MTUS2: variants seen among roughly 807,000 people sequenced by gnomAD.
MTUS2 encodes the protein microtubule associated scaffold protein 2.
In MTUS2, 40 loss-of-function variants were observed where a neutral mutation model predicts 114.1. The ratio of observed to expected loss-of-function variants is 0.35; its 90% CI spans 0.27 to 0.46. MTUS2 has a LOEUF of 0.46. MTUS2 is among the 20% of genes least tolerant of loss of function. The probability of loss-of-function intolerance (pLI) is 1.00; values close to 1 mark genes in which losing one functional copy is unlikely to be tolerated. For synonymous variants in MTUS2, 688 were observed against 672.0 expected (o/e 1.02, Z -0.37); for missense variants, 1,679 against 1,705.4 (o/e 0.98, Z 0.27).
At chr13:29,473,076 T>C (rs890832511) in intron 9 of MTUS2, among the ~76,000 whole-genome samples, 1 of 152,180 alleles carries the variant, frequency 6.6e-6, no homozygotes, top group African/African-American at 2.4e-5. Flanking sequence ...ACTATTATAG[T>C]GACCTAAATA....
At chr13:29,085,877 C>G (rs1475473723) in intron 4 of MTUS2, among the ~76,000 whole-genome samples, 1 of 152,102 alleles carries the variant, frequency 6.6e-6, no homozygotes, top group East Asian at 1.9e-4. Flanking sequence ...CTATAGTAGC[C>G]AAACTAATTT....
chr13:29,325,483 A>AAGG (rs1900451397), intron 7 of MTUS2, among the ~76,000 whole-genome samples: 3 of 107,386 alleles, frequency 2.8e-5, no homozygotes, highest in African/African-American at 9.5e-5. Context: ...AAAGAAGAAG[A>AAGG]GGAAGAGGGA....
intron 2 of MTUS2, among the ~76,000 whole-genome samples, chr13:29,001,037 C>G (rs771243642): frequency 1.3e-5 from 2 of 152,166 alleles, no homozygotes; most frequent in Non-Finnish European, 2.9e-5. Flanking sequence ...AGGGTGCCAG[C>G]CCTTGCCCAT....
chr13:29,037,198 CA>C (rs768104404), intron 4 of MTUS2, among the ~76,000 whole-genome samples: 4 of 152,188 alleles, frequency 2.6e-5, no homozygotes, highest in Non-Finnish European at 5.9e-5. Context: ...TCTTGTAAGG[CA>C]GGCCTGGTGG....
At chr13:29,047,963 T>C (rs326518) in intron 4 of MTUS2, among the ~76,000 whole-genome samples, 147,797 of 152,270 alleles carry the variant, frequency 0.97, 71,749 homozygotes, top group Non-Finnish European at 0.98. Context: ...ATGTTTTTAA[T>C]GTTCATCCAT....
intron 2 of MTUS2, among the ~76,000 whole-genome samples, chr13:28,890,195 A>C (rs1222056989): frequency 6.6e-6 from 1 of 152,214 alleles, no homozygotes; most frequent in African/African-American, 2.4e-5. Context: ...ATGGCTCGGA[A>C]GGGACCTTAC....
At chr13:29,169,319 T>A (rs1893455734) in intron 5 of MTUS2, among the ~76,000 whole-genome samples, 1 of 152,206 alleles carries the variant, frequency 6.6e-6, no homozygotes, top group South Asian at 2.1e-4. Context: ...ATTGGTAGTA[T>A]GATTTATGCG....
At chr13:29,400,168 A>T (rs529140645) in intron 8 of MTUS2, among the ~76,000 whole-genome samples, 216 of 152,326 alleles carry the variant, frequency 1.4e-3, no homozygotes, top group African/African-American at 5.0e-3. Context: ...AGATTTAAAG[A>T]TTTACCCACC....
rs559800488 is a variant in MTUS2, at chr13:29,025,070, G to A, written c.372G>A (p.Thr124=). 154 of 1,613,968 alleles carry A rather than the reference G, an allele frequency of 9.5e-5. 2 individuals carry two copies. In the South Asian group the frequency reaches 1.5e-3, roughly 15 times the overall value. ...VERGTDSLQT[T]RSIQGPSLSS... The stretch of plus-strand genomic sequence containing the variant: ...GAGGCACAGATAGCCTGCAGACCAC[G>A]CGGAGTATTCAGGGACCAAGTCTGT... The change falls in exon 3 of 16, where the codon ACG becomes ACA. Residue 124 remains threonine, a synonymous_variant. Coordinates refer to ENST00000612955, the MANE Select transcript of MTUS2 (RefSeq NM_001033602.4).
chr13:28,942,166 TATC>T lies in MTUS2; in HGVS notation c.-242-82289_-242-82287del, dbSNP rs1882273454. ...GCAGTAACAAACAATTCAATAGAAA[TATC>T]AGCAAAAGAGTTGACATGCACTTCA... On this transcript the variant is annotated intron_variant, in intron 2 of 15. Coordinates refer to ENST00000612955, the MANE Select transcript of MTUS2 (RefSeq NM_001033602.4). 2.0e-5 allele frequency among the ~76,000 whole-genome samples: 3 copies of T among 152,064 alleles called. No individual in the cohort carries two copies. In the South Asian group the frequency reaches 6.2e-4, roughly 31 times the overall value.
At chr13:28,861,515 G>T (rs1026647661) in intron 2 of MTUS2, among the ~76,000 whole-genome samples, 1 of 149,080 alleles carries the variant, frequency 6.7e-6, no homozygotes, top group African/African-American at 2.5e-5. Flanking sequence ...AGATGATTTT[G>T]CATGTATGTG....
At position 29,405,595 on chromosome 13, in the gene MTUS2, G is replaced by A. The variant is rs1488667763; in HGVS notation, c.3118-34388G>A. 3.9e-5 allele frequency among the ~76,000 whole-genome samples: 6 copies of A among 152,100 alleles called. No homozygotes were observed. In the South Asian group the frequency reaches 8.3e-4, roughly 21 times the overall value. The stretch of plus-strand genomic sequence containing the variant: ...TGTTTGGTAGTGAGAGAGCAGAGTC[G>A]CCCACTGCACGTTTGCCATGGCAGT... On this transcript the variant is annotated intron_variant, in intron 8 of 15. Coordinates refer to ENST00000612955, the MANE Select transcript of MTUS2 (RefSeq NM_001033602.4).
chr13:29,358,956 GA>G (rs34048029), intron 7 of MTUS2, among the ~76,000 whole-genome samples: 55 of 139,590 alleles, frequency 3.9e-4, no homozygotes, highest in African/African-American at 1.4e-3. Context: ...TCTCCTTTAA[GA>G]AAAAAAAAAA....
intron 2 of MTUS2, among the ~76,000 whole-genome samples, chr13:28,990,108 T>C (rs755209477): frequency 1.3e-5 from 2 of 152,180 alleles, no homozygotes; most frequent in Non-Finnish European, 2.9e-5. Context: ...GAGTCACTCA[T>C]TCAACATGTA....
intron 11 of MTUS2, among the ~76,000 whole-genome samples, chr13:29,492,169 G>A (rs1273066738): frequency 9.7e-6 from 1 of 103,230 alleles, no homozygotes; most frequent in African/African-American, 4.4e-5. Context: ...TGGTGTGTAT[G>A]TGATGTGTGT....
chr13:29,279,788 G>C (rs1382669483), intron 5 of MTUS2, among the ~76,000 whole-genome samples: 1 of 152,202 alleles, frequency 6.6e-6, no homozygotes. Context: ...TCTCTAAATT[G>C]ACGTGTTCAC....
chr13:29,388,247 AAGTTGCTAATATCACC>A, intron 8 of MTUS2, among the ~76,000 whole-genome samples: 1 of 152,196 alleles, frequency 6.6e-6, no homozygotes, highest in Non-Finnish European at 1.5e-5. Flanking sequence ...AGGTACCATG[AAGTTGCTAATATCACC>A]AGTGGGAAAA....
At chr13:28,935,252 T>A (rs1480014350) in intron 2 of MTUS2, among the ~76,000 whole-genome samples, 1 of 152,152 alleles carries the variant, frequency 6.6e-6, no homozygotes, top group Non-Finnish European at 1.5e-5. Flanking sequence ...CTGCATGATG[T>A]TGTTATGAAC....
At chr13:28,880,183 C>A (rs1336480667) in intron 2 of MTUS2, among the ~76,000 whole-genome samples, 1 of 152,168 alleles carries the variant, frequency 6.6e-6, no homozygotes, top group Non-Finnish European at 1.5e-5. Flanking sequence ...TGAACTCACA[C>A]CAACTCTCTG....
Sources: allele counts gnomAD v4.1 joint callset (sites outside exome capture counted in the v4.1 genomes callset), GRCh38; gene constraint gnomAD v4.1.1; transcripts MANE v1.5; gene names NCBI Gene and HGNC (gene_info 2026-07-23, HGNC 2026-07-21).